Variants in PRX observed in about 807,000 individuals in gnomAD.
PRX encodes periaxin.
A neutral mutation model predicts 29.6 loss-of-function variants in PRX; 24 were observed. The ratio of observed to expected loss-of-function variants is 0.81; its 90% confidence interval spans 0.59 to 1.14. The LOEUF is 1.14. Among genes scored for constraint, PRX ranks in the 50% most tolerant of loss-of-function variants. The pLI, the probability that PRX is intolerant of heterozygous loss-of-function variation, is 0.00. For synonymous variants in PRX, 772 were observed against 831.7 expected (o/e 0.93, Z 1.24); for missense variants, 1,838 against 1,926.4 (o/e 0.95, Z 0.86).
At position 40,394,195 on chromosome 19, in the gene PRX, G is replaced by T. The variant is rs372582520; in HGVS notation, c.4157C>A (p.Pro1386His). Residue 1386 changes from proline (P) to histidine (H), a missense_variant, in exon 7 of 7, where the codon CCT (proline) becomes CAT (histidine). This residue lies in a region of PRX where 1,143 missense variants were observed against 1,193.0 expected (regional missense o/e 0.96). Transcript: ENST00000324001. The surrounding 1 kb of genome is among the most constrained non-coding windows in gnomAD (Gnocchi z 5.8). ...CTCCTGCCCCCGAGAGGCTTTAGAA[G>T]GGGCCGCCAGGCCTACACGTGGCAA... Reference protein sequence around the residue: ...VRLPRVGLAAPSKASRGQEGD... With the variant: ...VRLPRVGLAAHSKASRGQEGD... The T allele has an allele frequency of 8.1e-5, 128 of 1,589,802 alleles. No individual in the cohort carries two copies. Among genetic ancestry groups the T allele is most frequent in the Non-Finnish European group, 1.0e-4 (118 of 1,165,142 alleles).
chr19:40,403,282 C>T (rs1364388401), intron 5 of PRX, among the ~76,000 whole-genome samples: 1 of 152,192 alleles, frequency 6.6e-6, no homozygotes, highest in African/African-American at 2.4e-5. Context: ...CTCTTCCCAA[C>T]CCCTCTAAGT....
chr19:40,397,806 G>A lies in PRX; in HGVS notation c.546C>T (p.Ala182=). The A allele has an allele frequency of 1.9e-6, 3 of 1,582,886 alleles. No homozygotes were observed. The highest frequency in any genetic ancestry group is 2.6e-6 in the Non-Finnish European group (3 of 1,165,386). The stretch of plus-strand genomic sequence containing the variant: ...GCAGCTGGAGGCGCCGGCGGGCAGG[G>A]GCAGCCGGGACAGGACCCTTGACAG... The part of the protein sequence containing the change: ...AEAVKGPVPA[A]PARRRLQLPR... Residue 182 remains alanine, a synonymous_variant, in exon 7 of 7, where the codon GCC becomes GCT. Coordinates refer to ENST00000324001, the MANE Select transcript of PRX (RefSeq NM_181882.3).
Position 40,398,904 on chromosome 19 carries a change from G to A in PRX, c.185-88C>T. On this transcript the variant is annotated intron_variant, in intron 5 of 6. Transcript: ENST00000324001. This position sits in a 1 kb window ranked among gnomAD's most constrained non-coding sequence, Gnocchi z 6.3. ...TGCCCACTTGCACGGAGCCCTCGCG[G>A]TGAGGACCCGCCCCAAATTTTAGTT... 1 of 1,586,290 alleles carries A rather than the reference G, an allele frequency of 6.3e-7. No homozygotes were observed. Among genetic ancestry groups the A allele is most frequent in the Non-Finnish European group, 8.6e-7 (1 of 1,165,940 alleles).
intron 4 of PRX, 187 bp downstream of exon 4, chr19:40,407,719 A>T: frequency 1.3e-6 from 1 of 776,906 alleles, no homozygotes; most frequent in Non-Finnish European, 2.1e-6. Context: ...CAGATGCTGC[A>T]CTAAGGACAT....
rs1453384804 is a variant in PRX at position 40,397,743 on chromosome 19, C to T, written c.609G>A (p.Gln203=). Residue 203 remains glutamine, a synonymous_variant, in exon 7 of 7, where the codon CAG becomes CAA. Coordinates refer to ENST00000324001, the MANE Select transcript of PRX (RefSeq NM_181882.3). ...GAGCGGCGGCGGCCAGCCGGGCTGC[C>T]TGAGCCTCTTCGGCCACTTCTCGTA... The part of the protein sequence containing the change: ...LRVREVAEEA[Q]AARLAAAAPP... 1.3e-6 allele frequency: 2 copies of T among 1,564,186 alleles called. No individual in the cohort carries two copies. Among genetic ancestry groups the T allele is most frequent in the African/African-American group, 1.3e-5 (1 of 74,398 alleles).
intron 4 of PRX, among the ~76,000 whole-genome samples, chr19:40,404,354 G>T (rs1434445388): frequency 7.5e-6 from 1 of 134,026 alleles, no homozygotes; most frequent in Non-Finnish European, 1.6e-5. Flanking sequence ...GTGGGCTGGA[G>T]ATAACTTGAG....
intron 5 of PRX, 75 bp downstream of exon 5, chr19:40,403,631 T>C: frequency 6.8e-7 from 1 of 1,464,744 alleles, no homozygotes; most frequent in South Asian, 1.3e-5. Context: ...AGTTTCAGCC[T>C]CTCTTTGGAC....
intron 1 of PRX, among the ~76,000 whole-genome samples, chr19:40,409,451 CTATTATTATTAT>C (rs141778541): frequency 9.1e-5 from 13 of 142,362 alleles, no homozygotes; most frequent in Admixed American, 1.4e-4. Context: ...TAAATACTTG[CTATTATTATTAT>C]TATTATTATT....
intron 5 of PRX, among the ~76,000 whole-genome samples, chr19:40,402,366 TAAATA>T (rs891765545): frequency 1.3e-5 from 2 of 150,764 alleles, no homozygotes; most frequent in African/African-American, 4.9e-5. Context: ...AATAAATAAA[TAAATA>T]AAATAAAATA....
chr19:40,412,862 T>C (rs555168420), intron 1 of PRX, among the ~76,000 whole-genome samples: 16 of 152,288 alleles, frequency 1.1e-4, no homozygotes, highest in Non-Finnish European at 2.2e-4. Context: ...ACCACAGGCA[T>C]GCACCACCAT....
At chr19:40,405,764 G>A (rs1357681710) in intron 4 of PRX, among the ~76,000 whole-genome samples, 5 of 147,846 alleles carry the variant, frequency 3.4e-5, no homozygotes, top group South Asian at 2.2e-4. Context: ...TCAGCCTCCC[G>A]AGTAGCTGGG....
chr19:40,401,030 C>T (rs1274195957), intron 5 of PRX, among the ~76,000 whole-genome samples: 3 of 152,158 alleles, frequency 2.0e-5, no homozygotes, highest in Admixed American at 6.5e-5. Flanking sequence ...TAGTACTAGC[C>T]TCAGTGTGCT....
chr19:40,394,126 T>G lies in PRX; in HGVS notation c.4226A>C (p.Lys1409Thr). 6.2e-7 allele frequency: 1 copy of G among 1,602,448 alleles called. No individual in the cohort carries two copies. ...PKSPVREKSPKFRFPRVSLSP... is the reference protein window; with the variant it reads ...PKSPVREKSPTFRFPRVSLSP... ...TAGGGACACCCTGGGGAAGCGGAAC[T>G]TGGGTGACTTCTCTCTGACGGGGGA... Residue 1409 changes from lysine to threonine, a missense_variant, in exon 7 of 7, where the codon AAG becomes ACG. Transcript: ENST00000324001. The surrounding 1 kb of genome is among the most constrained non-coding windows in gnomAD (Gnocchi z 5.8).
rs759029769 is a variant in PRX at position 40,396,600 on chromosome 19, C to G, written c.1752G>C (p.Glu584Asp). The change falls in exon 7 of 7, where the codon GAG becomes GAC. Residue 584 changes from glutamate to aspartate, a missense_variant. This residue lies in a region of PRX where 1,143 missense variants were observed against 1,193.0 expected (regional missense o/e 0.96). Transcript: ENST00000324001. ...LPKVPEMKVP[E>D]MKLPKVPEMK... Reference sequence around the variant, plus strand: ...TCTCAGGCACCTTTGGAAGCTTCATCTCAGGGACTTTCATCTCTGGCACTT... The same window carrying G: ...TCTCAGGCACCTTTGGAAGCTTCATGTCAGGGACTTTCATCTCTGGCACTT... The G allele has an allele frequency of 3.3e-5, 53 of 1,613,640 alleles. No homozygotes were observed. Among genetic ancestry groups the G allele is most frequent in the Non-Finnish European group, 4.4e-5 (52 of 1,179,944 alleles).
chr19:40,406,551 C>A (rs1017964145), intron 4 of PRX, among the ~76,000 whole-genome samples: 1 of 152,090 alleles, frequency 6.6e-6, no homozygotes, highest in Non-Finnish European at 1.5e-5. Context: ...GCAGAGAACT[C>A]CTGGCGCTGT....
intron 5 of PRX, among the ~76,000 whole-genome samples, chr19:40,403,499 CG>C (rs1356510854): frequency 6.6e-6 from 1 of 152,124 alleles, no homozygotes; most frequent in Non-Finnish European, 1.5e-5. Flanking sequence ...AGCTAGTAAA[CG>C]GGGGATGTGA....
At chr19:40,399,940 CCTTTCTTTCTCTTT>C (rs1421837725) in intron 5 of PRX, among the ~76,000 whole-genome samples, 2 of 133,376 alleles carry the variant, frequency 1.5e-5, no homozygotes, top group Non-Finnish European at 3.3e-5. Context: ...AGCTTTCTTT[CCTTTCTTTCTCTTT>C]CTTTCTTTCT....
At chr19:40,410,444 GCACCCACGC>G (rs2079553330) in intron 1 of PRX, among the ~76,000 whole-genome samples, 1 of 152,102 alleles carries the variant, frequency 6.6e-6, no homozygotes, top group Admixed American at 6.6e-5. Flanking sequence ...CACTCCCACA[GCACCCACGC>G]CCCCCACAGT....
rs762213719 is a variant in PRX at position 40,395,113 on chromosome 19, C to G, written c.3239G>C (p.Arg1080Pro). 1 of 1,613,864 alleles carries G rather than the reference C, an allele frequency of 6.2e-7. No individual in the cohort carries two copies. Among genetic ancestry groups the G allele is most frequent in the Non-Finnish European group, 8.5e-7 (1 of 1,180,020 alleles). ...CTCAGCCTTTTCCCCCGGGCTGGCA[C>G]GATCACCTTGAACTTCTGCTTCCTT... The part of the protein sequence containing the change: ...RGKEAEVQGD[R>P]ASPGEKAEST... Residue 1080 changes from arginine (R) to proline (P), a missense_variant, in exon 7 of 7, where the codon CGT (arginine) becomes CCT (proline). This residue lies in a region of PRX where 1,143 missense variants were observed against 1,193.0 expected (regional missense o/e 0.96). Transcript: ENST00000324001.
Sources: allele counts gnomAD v4.1 joint callset (sites outside exome capture counted in the v4.1 genomes callset), GRCh38; gene constraint gnomAD v4.1.1; regional missense constraint gnomAD v4.1.1; non-coding constraint Gnocchi (gnomAD v3.1); transcripts MANE v1.5; gene names NCBI Gene and HGNC (gene_info 2026-07-23, HGNC 2026-07-21).